RBFOX1: variants seen among roughly 807,000 people sequenced by gnomAD.
RBFOX1 encodes the protein RNA binding protein fox-1 homolog 1.
Under a neutral mutation model 57.7 loss-of-function variants are expected in RBFOX1, and 8 were observed. The observed-to-expected ratio is 0.14, with a 90% CI of 0.08 to 0.25. The LOEUF (loss-of-function observed/expected upper bound fraction) is 0.25. RBFOX1 is among the 10% of genes least tolerant of loss of function. The probability of loss-of-function intolerance (pLI) is 1.00; values close to 1 mark genes in which losing one functional copy is unlikely to be tolerated. For missense variants in RBFOX1, 611 were observed against 548.5 expected (o/e 1.11, Z -1.14); for synonymous variants, 326 against 222.4 (o/e 1.47, Z -4.15).
intron 4 of RBFOX1, among the ~76,000 whole-genome samples, chr16:7,196,326 GA>G (rs1420789993): frequency 1.3e-5 from 2 of 152,090 alleles, no homozygotes; most frequent in Admixed American, 1.3e-4. Context: ...ATGTCTCAGG[GA>G]ATTTCTCCTT....
chr16:7,652,540 G>A (rs757934793), intron 11 of RBFOX1, among the ~76,000 whole-genome samples: 8 of 151,996 alleles, frequency 5.3e-5, no homozygotes, highest in South Asian at 2.1e-4. Context: ...CCCAAGTAGC[G>A]GGAATTATAG....
At chr16:6,316,935 C>T (rs139938013) in intron 1 of RBFOX1, 60 bp from the exon 2 acceptor site, 78 of 1,439,714 alleles carry the variant, frequency 5.4e-5, no homozygotes, top group East Asian at 3.2e-4. Flanking sequence ...AAAAAAAGTG[C>T]GGACAAAATT....
At chr16:6,351,423 G>C (rs1475534109) in intron 2 of RBFOX1, among the ~76,000 whole-genome samples, 1 of 141,574 alleles carries the variant, frequency 7.1e-6, no homozygotes, top group South Asian at 2.2e-4. Context: ...GCCCAGGCTG[G>C]AGTGCAGTGG....
At chr16:5,898,976 T>C (rs2058236833) in intron 4 of RBFOX1, among the ~76,000 whole-genome samples, 1 of 150,794 alleles carries the variant, frequency 6.6e-6, no homozygotes, top group South Asian at 2.1e-4. Flanking sequence ...GGTGAGAGGA[T>C]CACTTGAGCC....
chr16:6,478,405 ATATATATATATATATATATATATATTT>A (rs1255320306), intron 2 of RBFOX1, among the ~76,000 whole-genome samples: 504 of 16,930 alleles, frequency 0.03, 19 homozygotes, highest in African/African-American at 0.13. Flanking sequence ...ATATATATAT[ATATATATATATATATATATATATATTT>A]TTTTTTTTTT....
At chr16:7,343,597 G>A (rs551793753) in intron 4 of RBFOX1, among the ~76,000 whole-genome samples, 1 of 152,192 alleles carries the variant, frequency 6.6e-6, no homozygotes, top group Non-Finnish European at 1.5e-5. Context: ...AACAGCAGCT[G>A]CTGTTTTTAG....
intron 4 of RBFOX1, among the ~76,000 whole-genome samples, chr16:5,974,735 G>A (rs192916765): frequency 3.4e-4 from 51 of 151,856 alleles, no homozygotes; most frequent in African/African-American, 1.1e-3. Flanking sequence ...CAAGCCAGGC[G>A]CAGTGGCTCA....
chr16:5,286,439 G>A (rs929130163), intron 1 of RBFOX1, among the ~76,000 whole-genome samples: 1 of 152,198 alleles, frequency 6.6e-6, no homozygotes, highest in Non-Finnish European at 1.5e-5. Context: ...AGCTCTGGAG[G>A]CAGGGGAGTC....
At chr16:6,124,983 GT>G (rs2096578751) in intron 1 of RBFOX1, among the ~76,000 whole-genome samples, 1 of 152,152 alleles carries the variant, frequency 6.6e-6, no homozygotes, top group South Asian at 2.1e-4. Context: ...AAGGCTCCAA[GT>G]TGAGCCAACG....
Position 7,573,825 on chromosome 16 carries a change from A to G in RBFOX1, c.271-5952A>G, listed in dbSNP as rs113161537. Among the ~76,000 whole-genome samples, 1,029 of 137,082 alleles carry G rather than the reference A, an allele frequency of 7.5e-3. 12 individuals are homozygous for G. The highest frequency in any genetic ancestry group is 0.024 in the African/African-American group (966 of 40,108). The allele number at this position is 137,082 out of a possible 152,430, so 89.9% of individuals were successfully genotyped here. A position where few individuals can be genotyped will look rare whatever the true frequency, so the allele number is the denominator to read the frequency against. On this transcript the variant is annotated intron_variant, in intron 5 of 15. Coordinates refer to ENST00000550418, the MANE Select transcript of RBFOX1 (RefSeq NM_018723.4). ...ACTCCAGCCTGGGCAACAGAACAAG[A>G]CTCTGTCTCAAAAAAAAAAAGAGGT...
chr16:6,642,757 G>T (rs1386526218), intron 2 of RBFOX1, among the ~76,000 whole-genome samples: 1 of 152,102 alleles, frequency 6.6e-6, no homozygotes, highest in Non-Finnish European at 1.5e-5. Context: ...TGGCTTTACA[G>T]CTTTTTCCTG....
rs926716972 is a variant in RBFOX1 at position 6,726,316 on chromosome 16, C to G, written c.-16+71666C>G. ...CATTAGGTTTTAAGTAGTGTGCTTT[C>G]AAATTACTACCTGTAAAGAGGCAAA... On this transcript the variant is annotated intron_variant, in intron 3 of 15. Transcript: ENST00000550418. Among the ~76,000 whole-genome samples, 36 of 151,714 alleles carry G rather than the reference C, an allele frequency of 2.4e-4. 1 individual carries two copies. Among genetic ancestry groups the G allele is most frequent in the African/African-American group, 8.2e-4 (34 of 41,370 alleles).
At chr16:7,382,324 C>A (rs955586885) in intron 4 of RBFOX1, among the ~76,000 whole-genome samples, 1 of 152,124 alleles carries the variant, frequency 6.6e-6, no homozygotes, top group Non-Finnish European at 1.5e-5. Context: ...TATCCACAGC[C>A]CTCAAGAGTT....
chr16:5,241,694 C>T (rs1234447854), intron 1 of RBFOX1, among the ~76,000 whole-genome samples: 2 of 152,228 alleles, frequency 1.3e-5, no homozygotes, highest in Non-Finnish European at 2.9e-5. Context: ...TCCATAGAAG[C>T]ACTTAGCGTT....
At chr16:7,048,556 G>T (rs1351682570) in intron 3 of RBFOX1, among the ~76,000 whole-genome samples, 1 of 152,176 alleles carries the variant, frequency 6.6e-6, no homozygotes, top group African/African-American at 2.4e-5. Context: ...ACCGCGCCCA[G>T]CTCCTTTTGG....
At chr16:7,553,416 A>C (rs1330817478) in intron 5 of RBFOX1, among the ~76,000 whole-genome samples, 1 of 152,216 alleles carries the variant, frequency 6.6e-6, no homozygotes, top group Non-Finnish European at 1.5e-5. Flanking sequence ...AAGCACTGGG[A>C]TTACAGGCAT....
chr16:7,523,979 C>T (rs2078099649), intron 5 of RBFOX1, among the ~76,000 whole-genome samples: 1 of 152,260 alleles, frequency 6.6e-6, no homozygotes, highest in East Asian at 1.9e-4. Context: ...CTATGGTTCT[C>T]CCCACCCTAT....
intron 2 of RBFOX1, among the ~76,000 whole-genome samples, chr16:5,503,252 A>G (rs1375533418): frequency 1.3e-5 from 2 of 152,150 alleles, no homozygotes; most frequent in African/African-American, 4.8e-5. Flanking sequence ...TTCTTATAGG[A>G]AGATCCAAGA....
intron 1 of RBFOX1, among the ~76,000 whole-genome samples, chr16:6,136,837 T>G (rs2096670872): frequency 6.6e-6 from 1 of 152,334 alleles, no homozygotes; most frequent in South Asian, 2.1e-4. Flanking sequence ...TGTGAAACCC[T>G]TTGTATAATA....
Sources: allele counts gnomAD v4.1 joint callset (sites outside exome capture counted in the v4.1 genomes callset), GRCh38; gene constraint gnomAD v4.1.1; transcripts MANE v1.5; gene names NCBI Gene and HGNC (gene_info 2026-07-23, HGNC 2026-07-21).